EFHB: variants seen among roughly 807,000 people sequenced by gnomAD.
The protein encoded by EFHB is EF-hand domain family member B, also known as EF-hand domain-containing family member B.
In EFHB, 91 loss-of-function variants were observed where a neutral mutation model predicts 87.2. That is an observed-to-expected ratio of 1.04 (90% CI 0.88 to 1.24). The LOEUF (loss-of-function observed/expected upper bound fraction) is 1.24. Ranked by LOEUF, EFHB falls within the 50% of genes most tolerant of loss-of-function variation. EFHB has a pLI of 0.00. For missense variants in EFHB, 1,084 were observed against 998.8 expected (o/e 1.09, Z -1.15); for synonymous variants, 325 against 333.6 (o/e 0.97, Z 0.28).
At chr3:19,901,949 C>CAA (rs200520648) in intron 6 of EFHB, among the ~76,000 whole-genome samples, 6 of 120,578 alleles carry the variant, frequency 5.0e-5, no homozygotes, top group South Asian at 2.7e-4. Flanking sequence ...AACTCTGTCT[C>CAA]AAAAAAAAAA....
intron 1 of EFHB, among the ~76,000 whole-genome samples, chr3:19,941,923 G>C (rs112559280): frequency 2.0e-5 from 2 of 98,376 alleles, no homozygotes; most frequent in African/African-American, 1.1e-4. Context: ...GGAGGCTGAG[G>C]GGGGGCAGAT....
At chr3:19,897,783 G>A (rs929341809) in intron 8 of EFHB, among the ~76,000 whole-genome samples, 2 of 152,220 alleles carry the variant, frequency 1.3e-5, no homozygotes, top group East Asian at 1.9e-4. Flanking sequence ...AAGATGGATA[G>A]GCATCCATCA....
intron 9 of EFHB, among the ~76,000 whole-genome samples, chr3:19,892,210 A>G (rs1694329546): frequency 6.6e-6 from 1 of 152,194 alleles, no homozygotes; most frequent in Non-Finnish European, 1.5e-5. Flanking sequence ...CACAAAAGCT[A>G]TTCAGCAATG....
intron 9 of EFHB, among the ~76,000 whole-genome samples, chr3:19,896,023 C>G (rs1348029630): frequency 1.3e-5 from 2 of 152,138 alleles, no homozygotes; most frequent in African/African-American, 4.8e-5. Context: ...TGATCTTACA[C>G]TCTCAAAACT....
intron 1 of EFHB, among the ~76,000 whole-genome samples, chr3:19,927,705 G>A (rs1273470808): frequency 1.3e-5 from 2 of 152,068 alleles, no homozygotes; most frequent in Non-Finnish European, 2.9e-5. Flanking sequence ...TCACAATGGG[G>A]ATTTTCATCT....
At chr3:19,940,698 G>T in intron 1 of EFHB, 2 of 353,386 alleles carry the variant, frequency 5.7e-6, no homozygotes, top group East Asian at 7.1e-5. Context: ...TCTTTTTCCT[G>T]TACTCTTGTG....
chr3:19,899,544 T>C, intron 6 of EFHB, 29 bp from the exon 7 acceptor site: 2 of 1,540,534 alleles, frequency 1.3e-6, no homozygotes, highest in South Asian at 2.4e-5. Context: ...ATCAGGTATC[T>C]CTATTACCTA....
intron 1 of EFHB, among the ~76,000 whole-genome samples, chr3:19,924,374 C>A (rs964822594): frequency 1.3e-5 from 2 of 151,842 alleles, no homozygotes; most frequent in African/African-American, 4.8e-5. Flanking sequence ...CCACCACGCC[C>A]GGCTAATTTT....
At chr3:19,916,522 A>AAATT (rs1376954131) in intron 4 of EFHB, among the ~76,000 whole-genome samples, 4 of 152,068 alleles carry the variant, frequency 2.6e-5, no homozygotes, top group South Asian at 2.1e-4. Flanking sequence ...CTCAAAAAAA[A>AAATT]AATTAATTCA....
intron 5 of EFHB, among the ~76,000 whole-genome samples, chr3:19,907,603 A>G (rs993260994): frequency 1.3e-5 from 2 of 152,220 alleles, no homozygotes; most frequent in Non-Finnish European, 2.9e-5. Flanking sequence ...TTTACCTCAT[A>G]TTAGAAACAT....
Position 19,920,003 on chromosome 3 carries a change from T to C in EFHB, c.853-27A>G, listed in dbSNP as rs749915876. ...TACAAAGAGTGAGGCAAGAAAATAG[T>C]ATTAAGTACAGTTTCTAAAAATATT... On this transcript the variant is annotated intron_variant, in intron 2 of 12. Transcript: ENST00000295824. 2.5e-6 allele frequency: 4 copies of C among 1,611,730 alleles called. No individual in the cohort carries two copies. In the East Asian group the frequency reaches 6.7e-5, roughly 27 times the overall value.
At position 19,920,478 on chromosome 3, in the gene EFHB, A is replaced by G. The variant is rs1447600901; in HGVS notation, c.852+27T>C. On this transcript the variant is annotated intron_variant, in intron 2 of 12. Transcript: ENST00000295824. ...GTTCACATAGAAGGTAAAAATAGAA[A>G]TATAAAGGTATATTGAAAGTGCTCA... 3.2e-6 allele frequency: 5 copies of G among 1,572,322 alleles called. No individual in the cohort carries two copies. The East Asian group carries it at 6.9e-5, about 22-fold the overall frequency.
intron 6 of EFHB, 110 bp downstream of exon 6, chr3:19,905,510 T>C: frequency 8.1e-7 from 1 of 1,228,676 alleles, no homozygotes; most frequent in Non-Finnish European, 1.1e-6. Flanking sequence ...GTCATCTTGT[T>C]TGAACCATAT....
intron 6 of EFHB, among the ~76,000 whole-genome samples, chr3:19,904,135 G>A (rs545618503): frequency 3.9e-4 from 60 of 152,264 alleles, no homozygotes; most frequent in African/African-American, 1.3e-3. Flanking sequence ...AACCTAGAGG[G>A]CCATTGTCTC....
intron 3 of EFHB, 41 bp from the exon 4 acceptor site, chr3:19,918,453 A>T (rs1218401258): frequency 1.3e-6 from 2 of 1,513,394 alleles, no homozygotes; most frequent in African/African-American, 2.8e-5. Flanking sequence ...CAACAAAAAA[A>T]GTATAAATCT....
At chr3:19,911,387 C>A (rs940581636) in intron 5 of EFHB, among the ~76,000 whole-genome samples, 4 of 151,834 alleles carry the variant, frequency 2.6e-5, no homozygotes, top group Non-Finnish European at 5.9e-5. Context: ...CATGGTGAAA[C>A]CCCATCTCTA....
intron 1 of EFHB, among the ~76,000 whole-genome samples, chr3:19,946,708 A>T (rs536286706): frequency 7.2e-5 from 11 of 152,128 alleles, no homozygotes; most frequent in Non-Finnish European, 7.4e-5. Context: ...TCCCTCTAAT[A>T]AAGCCCCTTA....
Position 19,905,789 on chromosome 3 carries a change from C to T in EFHB, c.1289-40G>A, listed in dbSNP as rs375643086. The T allele has an allele frequency of 8.0e-5, 125 of 1,563,002 alleles. 2 individuals are homozygous for T. In the Middle Eastern group the frequency reaches 1.2e-3, roughly 15 times the overall value. On this transcript the variant is annotated intron_variant, in intron 5 of 12. Coordinates refer to ENST00000295824, the MANE Select transcript of EFHB (RefSeq NM_144715.4). ...AGGAAGACTTATGACTTAAGCAACA[C>T]GAATAACCTTATCATGCAAGATGCA...
At chr3:19,921,421 A>G (rs915270663) in intron 1 of EFHB, among the ~76,000 whole-genome samples, 1 of 152,166 alleles carries the variant, frequency 6.6e-6, no homozygotes, top group Non-Finnish European at 1.5e-5. Flanking sequence ...AGAAAATATG[A>G]TCTTTGTAGT....
Sources: allele counts gnomAD v4.1 joint callset (sites outside exome capture counted in the v4.1 genomes callset), GRCh38; gene constraint gnomAD v4.1.1; transcripts MANE v1.5; gene names NCBI Gene and HGNC (gene_info 2026-07-23, HGNC 2026-07-21).